Variants in FGF14 observed in about 807,000 individuals in gnomAD.
FGF14 encodes the protein fibroblast growth factor 14, also known as fibroblast growth factor homologous factor 4.
FGF14 carries 5 observed loss-of-function variants against 25.5 expected under a neutral mutation model. That is an observed-to-expected ratio of 0.20 (90% CI 0.10 to 0.41). The LOEUF (loss-of-function observed/expected upper bound fraction) is 0.41. FGF14 is among the 10% of genes least tolerant of loss of function. FGF14 has a pLI of 1.00. For synonymous variants in FGF14, 138 were observed against 118.3 expected (o/e 1.17, Z -1.08); for missense variants, 222 against 320.1 (o/e 0.69, Z 2.34).
At chr13:102,233,408 G>T (rs1050945380) in intron 1 of FGF14, among the ~76,000 whole-genome samples, 1 of 152,004 alleles carries the variant, frequency 6.6e-6, no homozygotes, top group African/African-American at 2.4e-5. Context: ...TGGGATTCCA[G>T]GCCTGAGCCA....
At chr13:101,927,534 T>TTTTAC (rs371429516) in intron 1 of FGF14, among the ~76,000 whole-genome samples, 24 of 152,262 alleles carry the variant, frequency 1.6e-4, no homozygotes, top group African/African-American at 5.8e-4. Context: ...GAGACAGCAG[T>TTTTAC]TTTACATATT....
chr13:102,149,548 T>C (rs1204341931), intron 1 of FGF14, among the ~76,000 whole-genome samples: 1 of 152,194 alleles, frequency 6.6e-6, no homozygotes, highest in Non-Finnish European at 1.5e-5. Flanking sequence ...AAAACATTAA[T>C]ACAAAGACTC....
chr13:101,732,394 G>T (rs2035867980), intron 3 of FGF14, among the ~76,000 whole-genome samples: 1 of 152,132 alleles, frequency 6.6e-6, no homozygotes, highest in Non-Finnish European at 1.5e-5. Flanking sequence ...AGGAAATAGA[G>T]AAACGATATT....
chr13:102,027,973 T>G (rs933527467), intron 1 of FGF14, among the ~76,000 whole-genome samples: 5 of 152,028 alleles, frequency 3.3e-5, no homozygotes, highest in African/African-American at 1.2e-4. Context: ...TTCATCACCC[T>G]TTATTGGCAG....
intron 1 of FGF14, among the ~76,000 whole-genome samples, chr13:102,324,628 A>G (rs572569713): frequency 6.6e-6 from 1 of 152,276 alleles, no homozygotes; most frequent in African/African-American, 2.4e-5. Flanking sequence ...ACGTCAGTTC[A>G]TGGGAGGATA....
chr13:101,948,493 A>C (rs2035958491), intron 1 of FGF14, among the ~76,000 whole-genome samples: 1 of 150,318 alleles, frequency 6.7e-6, no homozygotes, highest in Non-Finnish European at 1.5e-5. Context: ...ATATATAAAG[A>C]AACAAGTATA....
chr13:101,904,288 T>C (rs1331589951), intron 1 of FGF14, among the ~76,000 whole-genome samples: 1 of 152,006 alleles, frequency 6.6e-6, no homozygotes. Flanking sequence ...CTAGTAAGGA[T>C]AGTGGTAAAT....
At chr13:101,786,200 G>GAACT (rs2039815173) in intron 3 of FGF14, among the ~76,000 whole-genome samples, 6 of 152,248 alleles carry the variant, frequency 3.9e-5, no homozygotes, top group Middle Eastern at 3.4e-3. Flanking sequence ...AATTCTAAGA[G>GAACT]AACTCATCTT....
chr13:101,721,550 T>TACCGG lies in FGF14; in HGVS notation c.*1280_*1281insCCGGT, dbSNP rs1230624826. The TACCGG allele has an allele frequency of 1.3e-5, 2 of 152,164 alleles. No homozygotes were observed. The highest frequency in any genetic ancestry group is 4.8e-5 in the African/African-American group (2 of 41,462). The allele number at this position is 152,164 out of a possible 1,614,324, so 9.4% of individuals were successfully genotyped here. ...CCCCAGATGCTGAGCTAGAGGCATGTACTGGTGAAATACACAGTACCGGAC... is the reference window on the plus strand; with the variant it reads ...CCCCAGATGCTGAGCTAGAGGCATGTACCGGACTGGTGAAATACACAGTACCGGAC... On this transcript the variant is annotated 3_prime_UTR_variant, in exon 5 of 5. Transcript: ENST00000376143.
intron 1 of FGF14, among the ~76,000 whole-genome samples, chr13:101,977,366 T>C (rs1455365542): frequency 2.0e-5 from 3 of 152,228 alleles, no homozygotes; most frequent in Non-Finnish European, 4.4e-5. Flanking sequence ...GATCATCTTT[T>C]CTACTTCTCC....
intron 1 of FGF14, among the ~76,000 whole-genome samples, chr13:102,092,015 A>G (rs2044187269): frequency 1.3e-5 from 2 of 152,210 alleles, no homozygotes; most frequent in Admixed American, 1.3e-4. Flanking sequence ...TATGCATAAA[A>G]TCATAATAAA....
intron 1 of FGF14, among the ~76,000 whole-genome samples, chr13:101,876,113 C>CA (rs2140483138): frequency 1.3e-5 from 2 of 152,194 alleles, no homozygotes; most frequent in South Asian, 4.1e-4. Context: ...TTTATTTAAA[C>CA]AAAAAGGGAA....
At chr13:102,083,672 T>C (rs2043748309) in intron 1 of FGF14, among the ~76,000 whole-genome samples, 1 of 152,234 alleles carries the variant, frequency 6.6e-6, no homozygotes, top group South Asian at 2.1e-4. Flanking sequence ...ATACCTTTCA[T>C]GTATCGATTT....
chr13:102,095,830 G>A (rs2044368258), intron 1 of FGF14, among the ~76,000 whole-genome samples: 1 of 151,996 alleles, frequency 6.6e-6, no homozygotes, highest in Admixed American at 6.6e-5. Flanking sequence ...ATCAACTGTT[G>A]ATATTAACAG....
intron 1 of FGF14, among the ~76,000 whole-genome samples, chr13:101,935,068 C>T (rs868353127): frequency 6.1e-4 from 93 of 152,218 alleles, no homozygotes; most frequent in African/African-American, 2.2e-3. Flanking sequence ...GCTACAGATA[C>T]AGTACACTGA....
chr13:101,730,087 ACT>A (rs1021427089), intron 3 of FGF14, among the ~76,000 whole-genome samples: 4 of 152,018 alleles, frequency 2.6e-5, no homozygotes, highest in Non-Finnish European at 5.9e-5. Context: ...GGTCTTGAAA[ACT>A]CTAATAAACA....
At chr13:101,760,256 G>T (rs911666101) in intron 3 of FGF14, among the ~76,000 whole-genome samples, 7 of 152,110 alleles carry the variant, frequency 4.6e-5, no homozygotes, top group African/African-American at 1.7e-4. Flanking sequence ...TAGAGTCTGG[G>T]AAATAAAATA....
At chr13:101,756,516 C>T (rs182669375) in intron 3 of FGF14, among the ~76,000 whole-genome samples, 6 of 152,220 alleles carry the variant, frequency 3.9e-5, no homozygotes, top group Non-Finnish European at 7.4e-5. Flanking sequence ...GGGCGGATCA[C>T]GAGGTCAGGA....
chr13:101,752,642 A>G (rs1436800496), intron 3 of FGF14, among the ~76,000 whole-genome samples: 2 of 152,196 alleles, frequency 1.3e-5, no homozygotes, highest in Non-Finnish European at 2.9e-5. Flanking sequence ...CCTTTCATAC[A>G]GAAAGTCTCT....
Sources: allele counts gnomAD v4.1 joint callset (sites outside exome capture counted in the v4.1 genomes callset), GRCh38; gene constraint gnomAD v4.1.1; transcripts MANE v1.5; gene names NCBI Gene and HGNC (gene_info 2026-07-23, HGNC 2026-07-21).